ADD1: variants seen among roughly 807,000 people sequenced by gnomAD.
ADD1 encodes adducin 1, also known as alpha-adducin.
ADD1 carries 24 observed loss-of-function variants against 80.5 expected under a neutral mutation model. The observed-to-expected ratio is 0.30, with a 90% confidence interval of 0.22 to 0.42. The LOEUF is 0.42. Among genes scored for constraint, ADD1 ranks in the 10% least tolerant of loss-of-function variants. The pLI, the probability that ADD1 is intolerant of heterozygous loss-of-function variation, is 1.00. For missense variants in ADD1, 948 were observed against 1,019.0 expected, an observed-to-expected ratio of 0.93 and a Z score of 0.95; for synonymous variants, 373 against 393.8, an observed-to-expected ratio of 0.95 and a Z score of 0.63.
intron 1 of ADD1, among the ~76,000 whole-genome samples, chr4:2,873,629 A>G (rs1237065494): frequency 6.6e-6 from 1 of 152,232 alleles, no homozygotes; most frequent in Non-Finnish European, 1.5e-5. Context: ...GGAAATAGCT[A>G]TAGTTACCTC....
intron 14 of ADD1, among the ~76,000 whole-genome samples, chr4:2,921,063 T>C (rs1405100793): frequency 6.6e-6 from 1 of 152,234 alleles, no homozygotes; most frequent in African/African-American, 2.4e-5. Context: ...TTTGCTTGTC[T>C]GTAAAGGAGT....
At chr4:2,923,624 C>T (rs1254389247) in intron 14 of ADD1, among the ~76,000 whole-genome samples, 1 of 152,256 alleles carries the variant, frequency 6.6e-6, no homozygotes. Context: ...TCTTTACGAA[C>T]ACAGTATTTC....
At chr4:2,900,418 C>G (rs1404734647) in intron 9 of ADD1, 1 of 152,282 alleles carries the variant, frequency 6.6e-6, no homozygotes, top group African/African-American at 2.4e-5. Flanking sequence ...GCCACATGAC[C>G]TCAAGTGGTG....
At chr4:2,867,945 AT>A (rs765748253) in intron 1 of ADD1, 1 of 152,338 alleles carries the variant, frequency 6.6e-6, no homozygotes, top group South Asian at 2.1e-4. Context: ...GTGAGCAGTG[AT>A]AACTGTAGCT....
At position 2,908,484 on chromosome 4, in the gene ADD1, G is replaced by A. The variant is rs377479734; in HGVS notation, c.1609-31G>A. The A allele has an allele frequency of 2.2e-4, 354 of 1,595,866 alleles. 1 individual carries two copies. The highest frequency in any genetic ancestry group is 2.8e-4 in the Non-Finnish European group (324 of 1,163,810). On this transcript the variant is annotated intron_variant, in intron 11 of 15. Coordinates refer to ENST00000683351, the MANE Select transcript of ADD1 (RefSeq NM_001354761.2). The stretch of plus-strand genomic sequence containing the variant: ...CCAGGCAGCATGGCTGCTCAGGACT[G>A]TTGATGTGTGCCTCTCCTTCCCACC...
At position 2,855,710 on chromosome 4, in the gene ADD1, C is replaced by CT. The variant is rs550380557; in HGVS notation, c.-21+11694dup. On this transcript the variant is annotated intron_variant, in intron 1 of 15. Transcript: ENST00000683351. ...TGGAGTGCACAAGTTTTTTTCTTTT[C>CT]TTTTTTTTGAGACAGGTTCTCACTC... Among the ~76,000 whole-genome samples the CT allele has an allele frequency of 6.1e-5, 9 of 148,720 alleles. No individual in the cohort carries two copies. The South Asian group carries it at 1.1e-3, about 18-fold the overall frequency.
chr4:2,927,296 T>C (rs1263347), intron 15 of ADD1, among the ~76,000 whole-genome samples: 119,485 of 152,166 alleles, frequency 0.79, 47,102 homozygotes, highest in Middle Eastern at 0.82. Flanking sequence ...GGCCTGGAAT[T>C]AGCCTGGGGC....
intron 2 of ADD1, chr4:2,881,544 G>A (rs1732340273): frequency 5.8e-6 from 1 of 171,088 alleles, no homozygotes; most frequent in African/African-American, 2.4e-5. Context: ...AGAATTCCCA[G>A]TGTATTTGAT....
In ADD1 at chr4:2,905,120, C is replaced by T. The variant is rs1421330905; in HGVS notation, c.1506+12C>T. 6 of 1,612,954 alleles carry T rather than the reference C, an allele frequency of 3.7e-6. No individual in the cohort carries two copies. Among genetic ancestry groups the T allele is most frequent in the Non-Finnish European group, 5.1e-6 (6 of 1,179,108 alleles). ...TTACCAACTGCTTGGTCTGTGCCTA[C>T]CTTACTGTTCATAGTTAGATGACGT... On this transcript the variant is annotated intron_variant, in intron 10 of 15. Coordinates refer to ENST00000683351, the MANE Select transcript of ADD1 (RefSeq NM_001354761.2).
rs56822742 is a variant in ADD1 at position 2,858,433 on chromosome 4, C to T, written c.-21+14409C>T. 4.6e-5 allele frequency among the ~76,000 whole-genome samples: 7 copies of T among 152,052 alleles called. No homozygotes were observed. The East Asian group carries it at 9.6e-4, about 21-fold the overall frequency. On this transcript the variant is annotated intron_variant, in intron 1 of 15. Coordinates refer to ENST00000683351, the MANE Select transcript of ADD1 (RefSeq NM_001354761.2). ...ATGAAGAAATGTGCCTAAGGTTACGCGGTTTAGTGAACTGGGATCAGAACC... is the reference window on the plus strand; with the variant it reads ...ATGAAGAAATGTGCCTAAGGTTACGTGGTTTAGTGAACTGGGATCAGAACC...
At chr4:2,852,198 C>CTTTCTTTCTTTGTTT (rs1491325452) in intron 1 of ADD1, among the ~76,000 whole-genome samples, 1 of 76,586 alleles carries the variant, frequency 1.3e-5, no homozygotes, top group South Asian at 5.2e-4. Context: ...TTCTTTCTTT[C>CTTTCTTTCTTTGTTT]CTTTCTTTCC....
In ADD1 at chr4:2,894,849, A is replaced by T. The variant is rs566890019; in HGVS notation, c.741+118A>T. ...CAGTAAAACTAATTTTGTTGAATATAAAAAAAAAGGTGTACCACTAAGTTT... is the reference window on the plus strand; with the variant it reads ...CAGTAAAACTAATTTTGTTGAATATTAAAAAAAAGGTGTACCACTAAGTTT... On this transcript the variant is annotated intron_variant, in intron 6 of 15. Transcript: ENST00000683351. The T allele has an allele frequency of 6.8e-5, 66 of 970,786 alleles. No individual in the cohort carries two copies. In the African/African-American group the frequency reaches 7.5e-4, roughly 11 times the overall value. 60.1% of individuals were successfully genotyped at this position (970,786 alleles called of 1,614,324 possible).
intron 1 of ADD1, among the ~76,000 whole-genome samples, chr4:2,868,640 C>G (rs1440108268): frequency 6.6e-6 from 1 of 152,180 alleles, no homozygotes; most frequent in Non-Finnish European, 1.5e-5. Context: ...ATGTATGACA[C>G]ACTCCCCCAG....
At chr4:2,892,785 A>T (rs1021277946) in intron 4 of ADD1, among the ~76,000 whole-genome samples, 1 of 151,882 alleles carries the variant, frequency 6.6e-6, no homozygotes, top group African/African-American at 2.4e-5. Flanking sequence ...AGTGAGCATG[A>T]TTGCGCCACT....
intron 1 of ADD1, chr4:2,867,971 G>A (rs1729801440): frequency 6.6e-6 from 1 of 152,236 alleles, no homozygotes; most frequent in African/African-American, 2.4e-5. Flanking sequence ...TTATTTGAAA[G>A]GGGCCTTTTG....
At position 2,909,167 on chromosome 4, in the gene ADD1, C is replaced by A. The variant is rs550209029; in HGVS notation, c.1699-172C>A. On this transcript the variant is annotated intron_variant, in intron 12 of 15. Transcript: ENST00000683351. Reference sequence around the variant, plus strand: ...GTAGACGATTGTTGGATTTGTCCAGCCGTGGTCCTGGTTTCGTGTTCAGTG... The same window carrying A: ...GTAGACGATTGTTGGATTTGTCCAGACGTGGTCCTGGTTTCGTGTTCAGTG... The A allele has an allele frequency of 1.6e-5, 10 of 620,840 alleles. No individual in the cohort carries two copies. In the Middle Eastern group the frequency reaches 1.7e-3, roughly 106 times the overall value. The allele number at this position is 620,840 out of a possible 1,614,324, so 38.5% of individuals were successfully genotyped here.
chr4:2,929,527 T>C lies in ADD1; in HGVS notation c.*1004T>C, dbSNP rs1277519389. ...CTCGGCAGATGCTGTTGTTGTTACT[T>C]CCCTCCAAGAGGCTGGAAAAGGGCT... On this transcript the variant is annotated 3_prime_UTR_variant, in exon 16 of 16. Transcript: ENST00000683351. 1 of 152,230 alleles carries C rather than the reference T, an allele frequency of 6.6e-6. No homozygotes were observed. Among genetic ancestry groups the C allele is most frequent in the Non-Finnish European group, 1.5e-5 (1 of 68,084 alleles). The allele number at this position is 152,230 out of a possible 1,614,324, so 9.4% of individuals were successfully genotyped here.
At chr4:2,848,048 C>G (rs57103372) in intron 1 of ADD1, among the ~76,000 whole-genome samples, 1 of 152,058 alleles carries the variant, frequency 6.6e-6, no homozygotes, top group Non-Finnish European at 1.5e-5. Flanking sequence ...AACCCTGTCT[C>G]TACTAAAAAT....
chr4:2,914,768 G>A, intron 13 of ADD1, 116 bp from the exon 14 acceptor site: 1 of 1,235,018 alleles, frequency 8.1e-7, no homozygotes, highest in Non-Finnish European at 1.1e-6. Context: ...TGCAGTCTCA[G>A]GGGTCTCTGC....
Sources: gnomAD v4.1 joint callset for allele counts (sites outside exome capture counted in the v4.1 genomes callset) on GRCh38, gnomAD v4.1.1 for gene constraint, MANE v1.5 for transcripts, NCBI Gene and HGNC (gene_info 2026-07-23, HGNC 2026-07-21) for gene names.